The following FGF14 variants were observed in gnomAD, a reference collection of about 807,000 sequenced individuals.
FGF14 encodes the protein fibroblast growth factor 14, also known as fibroblast growth factor homologous factor 4.
FGF14 carries 5 observed loss-of-function variants against 25.5 expected under a neutral mutation model. The observed-to-expected ratio is 0.20, with a 90% CI of 0.10 to 0.41. FGF14 has a LOEUF of 0.41. Among genes scored for constraint, FGF14 ranks in the 10% least tolerant of loss-of-function variants. The pLI, the probability that FGF14 is intolerant of heterozygous loss-of-function variation, is 1.00. For missense variants in FGF14, 222 were observed against 320.1 expected (o/e 0.69, Z 2.34); for synonymous variants, 138 against 118.3 (o/e 1.17, Z -1.08).
At chr13:102,220,729 T>C (rs1372040674) in intron 1 of FGF14, among the ~76,000 whole-genome samples, 1 of 152,236 alleles carries the variant, frequency 6.6e-6, no homozygotes, top group Non-Finnish European at 1.5e-5. Flanking sequence ...CTTCACATGA[T>C]GTCTGCAAGT....
intron 1 of FGF14, among the ~76,000 whole-genome samples, chr13:102,237,930 G>A (rs184091723): frequency 2.0e-5 from 3 of 152,148 alleles, no homozygotes; most frequent in Non-Finnish European, 2.9e-5. Context: ...ACTCTAAACT[G>A]GTATTAAGGA....
At chr13:101,896,368 A>C (rs2030669165) in intron 1 of FGF14, among the ~76,000 whole-genome samples, 1 of 151,930 alleles carries the variant, frequency 6.6e-6, no homozygotes, top group Non-Finnish European at 1.5e-5. Context: ...TCCCTCTTCT[A>C]TGCCCCCCAC....
At chr13:101,743,740 T>G (rs925270692) in intron 3 of FGF14, among the ~76,000 whole-genome samples, 1 of 152,144 alleles carries the variant, frequency 6.6e-6, no homozygotes, top group Non-Finnish European at 1.5e-5. Context: ...ATTGAACATA[T>G]TCACATCTGT....
intron 1 of FGF14, among the ~76,000 whole-genome samples, chr13:102,134,785 T>C (rs1366530220): frequency 1.3e-5 from 2 of 152,172 alleles, no homozygotes; most frequent in Admixed American, 1.3e-4. Flanking sequence ...AAATTAAGGA[T>C]TTTTTAATTA....
chr13:102,295,245 G>A (rs1460097078), intron 1 of FGF14, among the ~76,000 whole-genome samples: 1 of 152,016 alleles, frequency 6.6e-6, no homozygotes, highest in Non-Finnish European at 1.5e-5. Flanking sequence ...ATCTAAGCTC[G>A]GGGCATGGAG....
At chr13:102,198,733 A>T (rs1188233291) in intron 1 of FGF14, among the ~76,000 whole-genome samples, 1 of 152,216 alleles carries the variant, frequency 6.6e-6, no homozygotes, top group Non-Finnish European at 1.5e-5. Flanking sequence ...AAATCTGCCA[A>T]AGTTATTTGA....
intron 1 of FGF14, among the ~76,000 whole-genome samples, chr13:102,352,289 A>ACACC (rs1382561558): frequency 2.2e-5 from 3 of 137,654 alleles, no homozygotes; most frequent in African/African-American, 8.2e-5. Flanking sequence ...ACACACACAC[A>ACACC]CCTGCAACAT....
At chr13:102,033,442 C>A (rs1028136125) in intron 1 of FGF14, among the ~76,000 whole-genome samples, 1 of 152,086 alleles carries the variant, frequency 6.6e-6, no homozygotes, top group Non-Finnish European at 1.5e-5. Flanking sequence ...TAAAAGAACA[C>A]CAAGCTTAAC....
intron 1 of FGF14, among the ~76,000 whole-genome samples, chr13:102,068,619 C>T (rs1212790005): frequency 1.3e-5 from 2 of 152,246 alleles, no homozygotes; most frequent in Non-Finnish European, 2.9e-5. Context: ...GCACCCGGGC[C>T]AGCGGCTGCA....
At chr13:102,019,936 CGAA>C (rs2040547355) in intron 1 of FGF14, among the ~76,000 whole-genome samples, 1 of 151,790 alleles carries the variant, frequency 6.6e-6, no homozygotes, top group African/African-American at 2.4e-5. Flanking sequence ...TAGCTCAAAA[CGAA>C]AAAGTAATTT....
chr13:101,981,499 C>T (rs1358974632), intron 1 of FGF14, among the ~76,000 whole-genome samples: 1 of 152,158 alleles, frequency 6.6e-6, no homozygotes, highest in African/African-American at 2.4e-5. Flanking sequence ...TAGCAGCCCA[C>T]ATAGACTAAG....
chr13:102,281,557 C>G (rs1169684368), intron 1 of FGF14, among the ~76,000 whole-genome samples: 2 of 152,240 alleles, frequency 1.3e-5, no homozygotes, highest in East Asian at 3.9e-4. Context: ...TCAAAACCAG[C>G]AATCTTCTCT....
chr13:101,809,567 A>C (rs4772417), intron 3 of FGF14, among the ~76,000 whole-genome samples: 3,311 of 152,274 alleles, frequency 0.022, 56 homozygotes, highest in Middle Eastern at 0.034. Context: ...TGGCAGACTT[A>C]AACAGGTAAA....
chr13:102,283,297 C>T (rs994346578), intron 1 of FGF14, among the ~76,000 whole-genome samples: 1 of 152,100 alleles, frequency 6.6e-6, no homozygotes, highest in African/African-American at 2.4e-5. Context: ...TAGCCTTTAG[C>T]GACATGATCT....
intron 1 of FGF14, among the ~76,000 whole-genome samples, chr13:102,268,033 C>T (rs1361435419): frequency 6.6e-6 from 1 of 151,934 alleles, no homozygotes. Flanking sequence ...TCTTCTAAGA[C>T]ATCAGAATAG....
chr13:101,827,250 G>C (rs1322746920), intron 3 of FGF14, among the ~76,000 whole-genome samples: 1 of 151,946 alleles, frequency 6.6e-6, no homozygotes, highest in Non-Finnish European at 1.5e-5. Context: ...AATGCAGATA[G>C]CTTGGTGTAA....
chr13:101,876,202 C>T (rs2045383154), intron 1 of FGF14, among the ~76,000 whole-genome samples: 1 of 152,164 alleles, frequency 6.6e-6, no homozygotes, highest in Admixed American at 6.6e-5. Context: ...CACAAAGAGT[C>T]AGTTGTACCT....
At chr13:102,129,524 A>ACTATT (rs148814307) in intron 1 of FGF14, among the ~76,000 whole-genome samples, 4,681 of 152,252 alleles carry the variant, frequency 0.031, 261 homozygotes, top group African/African-American at 0.11. Context: ...TCTATTTGAC[A>ACTATT]CGAATAAAGA....
At chr13:101,746,934 T>C (rs1214102164) in intron 3 of FGF14, among the ~76,000 whole-genome samples, 1 of 152,006 alleles carries the variant, frequency 6.6e-6, no homozygotes, top group African/African-American at 2.4e-5. Flanking sequence ...ATTCTACACC[T>C]TTTGACTCTC....
Sources: allele counts gnomAD v4.1 joint callset (sites outside exome capture counted in the v4.1 genomes callset), GRCh38; gene constraint gnomAD v4.1.1; transcripts MANE v1.5; gene names NCBI Gene and HGNC (gene_info 2026-07-23, HGNC 2026-07-21).